Variants in FCHO1 observed in about 807,000 individuals in gnomAD.
FCHO1 encodes the protein F-BAR domain only protein 1.
In FCHO1, 45 loss-of-function variants were observed where a neutral mutation model predicts 114.4. The ratio of observed to expected loss-of-function variants is 0.39; its 90% CI spans 0.31 to 0.50. FCHO1 has a LOEUF of 0.50. Ranked by LOEUF, FCHO1 falls within the 20% of genes least tolerant of loss-of-function variation. The pLI, the probability that FCHO1 is intolerant of heterozygous loss-of-function variation, is 0.77. For synonymous variants in FCHO1, 480 were observed against 488.9 expected (o/e 0.98, Z 0.24); for missense variants, 1,042 against 1,209.6 (o/e 0.86, Z 2.06).
rs1381212342 is a variant in FCHO1 at position 17,765,977 on chromosome 19, C to T, written c.195-692C>T. 2.0e-5 allele frequency among the ~76,000 whole-genome samples: 3 copies of T among 149,404 alleles called. No homozygotes were observed. In the East Asian group the frequency reaches 6.0e-4, roughly 30 times the overall value. On this transcript the variant is annotated intron_variant, in intron 6 of 28. Coordinates refer to ENST00000596536, the MANE Select transcript of FCHO1 (RefSeq NM_015122.3). The stretch of plus-strand genomic sequence containing the variant: ...GATCTTGGCTCACTGCAAGCTCCGC[C>T]TCCTGGGTTCACGCCATTCTCCTGC...
rs548042293 is a variant in FCHO1, at chr19:17,787,857, A to G, written c.2647+11A>G. 2 of 1,608,362 alleles carry G rather than the reference A, an allele frequency of 1.2e-6. No homozygotes were observed. The highest frequency in any genetic ancestry group is 1.3e-5 in the African/African-American group (1 of 74,730). On this transcript the variant is annotated intron_variant, in intron 28 of 28. Coordinates refer to ENST00000596536, the MANE Select transcript of FCHO1 (RefSeq NM_015122.3). ...GGAGGTTTGCCACAGGTACTCCCCA[A>G]CCCTGCTGCTGGGTGACCTCAGGAG...
At chr19:17,778,269 AG>A in intron 19 of FCHO1, 41 bp downstream of exon 19, 1 of 1,513,292 alleles carries the variant, frequency 6.6e-7, no homozygotes, top group Non-Finnish European at 9.1e-7. Context: ...GTGTGGCCGG[AG>A]GGAGGTTGGG....
rs2081972786 is a variant in FCHO1, at chr19:17,751,575, C to T, written c.-185C>T. The T allele has an allele frequency of 6.6e-6, 1 of 152,424 alleles. No individual in the cohort carries two copies. The highest frequency in any genetic ancestry group is 2.1e-4 in the South Asian group (1 of 4,838). The allele number at this position is 152,424 out of a possible 1,614,324, so 9.4% of individuals were successfully genotyped here. Reference sequence around the variant, plus strand: ...GGCCCCATCCCACTCGCTACCCTGTCCGGTGAGTTTGAGCCCTGGCCAGTA... The same window carrying T: ...GGCCCCATCCCACTCGCTACCCTGTTCGGTGAGTTTGAGCCCTGGCCAGTA... On this transcript the variant is annotated splice_region_variant and 5_prime_UTR_variant, in exon 1 of 29. Coordinates refer to ENST00000596536, the MANE Select transcript of FCHO1 (RefSeq NM_015122.3). The surrounding 1 kb of genome is among the most constrained non-coding windows in gnomAD (Gnocchi z 4.4).
At chr19:17,782,851 G>C (rs573468140) in intron 23 of FCHO1, among the ~76,000 whole-genome samples, 166 bp from the exon 24 acceptor site, 1 of 152,208 alleles carries the variant, frequency 6.6e-6, no homozygotes, top group South Asian at 2.1e-4. Flanking sequence ...GTCCAGGCAG[G>C]AATGAAAGAG....
At position 17,765,146 on chromosome 19, in the gene FCHO1, G is replaced by A. The variant is rs565389812; in HGVS notation, c.194+697G>A. 8.6e-4 allele frequency among the ~76,000 whole-genome samples: 131 copies of A among 151,872 alleles called. 5 individuals carry two copies. Among genetic ancestry groups the A allele is most frequent in the Non-Finnish European group, 3.5e-4 (24 of 67,970 alleles). On this transcript the variant is annotated intron_variant, in intron 6 of 28. Transcript: ENST00000596536. Reference sequence around the variant, plus strand: ...CGGGCACTTTCTCTGGGGTGGGCCCGACCTCCCTGAACTGAGACCTTAATA... The same window carrying A: ...CGGGCACTTTCTCTGGGGTGGGCCCAACCTCCCTGAACTGAGACCTTAATA...
intron 7 of FCHO1, 147 bp from the exon 8 acceptor site, chr19:17,770,278 A>G: frequency 1.4e-6 from 1 of 723,480 alleles, no homozygotes; most frequent in Non-Finnish European, 2.1e-6. Context: ...TCCAGCCTGG[A>G]CAACAAGAGC....
chr19:17,777,535 C>CA (rs34293409), intron 18 of FCHO1, among the ~76,000 whole-genome samples: 4 of 74,810 alleles, frequency 5.3e-5, no homozygotes, highest in African/African-American at 2.2e-4. Context: ...AACTCCGTCT[C>CA]AAAAAAAAAA....
In FCHO1 at chr19:17,775,145, C is replaced by T. The variant is rs1385169348; in HGVS notation, c.945+65C>T. On this transcript the variant is annotated intron_variant, in intron 14 of 28. Transcript: ENST00000596536. This position sits in a 1 kb window ranked among gnomAD's most constrained non-coding sequence, Gnocchi z 5.1. ...AAGGAGTTTGATCCCACTCTTGGCT[C>T]CTAGAGTCCCGATCCCTACTGGAAA... 1.0e-5 allele frequency: 16 copies of T among 1,536,828 alleles called. No individual in the cohort carries two copies. In the Admixed American group the frequency reaches 1.1e-4, roughly 11 times the overall value.
chr19:17,787,025 A>G (rs2147545920), intron 27 of FCHO1, among the ~76,000 whole-genome samples: 1 of 150,902 alleles, frequency 6.6e-6, no homozygotes, highest in East Asian at 2.0e-4. Context: ...GGAGTTCAAG[A>G]CCAACCTGGC....
At chr19:17,771,960 G>T (rs1210886560) in intron 9 of FCHO1, among the ~76,000 whole-genome samples, 2 of 151,982 alleles carry the variant, frequency 1.3e-5, no homozygotes, top group African/African-American at 4.8e-5. Context: ...TTACAGGCAC[G>T]TGCCACCACA....
In FCHO1 at chr19:17,788,279, C is replaced by T. The variant is rs762052045; in HGVS notation, c.2648-5C>T. The T allele has an allele frequency of 2.5e-6, 4 of 1,602,832 alleles. No homozygotes were observed. Among genetic ancestry groups the T allele is most frequent in the Non-Finnish European group, 1.7e-6 (2 of 1,171,640 alleles). ...CCCCTCCCCCTCACAGCTGCACCCC[C>T]ACAGGGATGTACCTGGTGAGCTGCT... On this transcript the variant is annotated splice_polypyrimidine_tract_variant and splice_region_variant and intron_variant, in intron 28 of 28. Transcript: ENST00000596536.
intron 3 of FCHO1, 75 bp from the exon 4 acceptor site, chr19:17,755,043 T>C: frequency 1.1e-6 from 1 of 900,692 alleles, no homozygotes; most frequent in South Asian, 1.3e-5. Flanking sequence ...CTCCTTCCTC[T>C]ACAGGGAGGG....
Position 17,754,610 on chromosome 19 carries a change from C to G in FCHO1, c.-119C>G, listed in dbSNP as rs1381351979. Reference sequence around the variant, plus strand: ...CCTGCAGGAGCTGCCTGGAGTGGAGCTGAGAGCTCAGGTCTGGGCTCAGCC... The same window carrying G: ...CCTGCAGGAGCTGCCTGGAGTGGAGGTGAGAGCTCAGGTCTGGGCTCAGCC... On this transcript the variant is annotated 5_prime_UTR_variant, in exon 3 of 29. Coordinates refer to ENST00000596536, the MANE Select transcript of FCHO1 (RefSeq NM_015122.3). 2 of 155,626 alleles carry G rather than the reference C, an allele frequency of 1.3e-5. No individual in the cohort carries two copies. Among genetic ancestry groups the G allele is most frequent in the Admixed American group, 1.2e-4 (2 of 16,042 alleles). 9.6% of individuals were successfully genotyped at this position (155,626 alleles called of 1,614,324 possible).
At chr19:17,755,370 C>T in intron 4 of FCHO1, 179 bp downstream of exon 4, 5 of 597,524 alleles carry the variant, frequency 8.4e-6, no homozygotes, top group Non-Finnish European at 9.0e-6. Context: ...CCAGACCTCA[C>T]AGGCCTTACA....
Position 17,784,631 on chromosome 19 carries a change from G to T in FCHO1, c.2227-94G>T. 8.4e-7 allele frequency: 1 copy of T among 1,190,740 alleles called. No homozygotes were observed. Among genetic ancestry groups the T allele is most frequent in the Non-Finnish European group, 1.2e-6 (1 of 803,244 alleles). 73.8% of individuals were successfully genotyped at this position (1,190,740 alleles called of 1,614,324 possible). The stretch of plus-strand genomic sequence containing the variant: ...TGACTGGACCCCCTTGGGGCGGTGC[G>T]TGCATCGCAGGGTCAAGGTGGTTGA... On this transcript the variant is annotated intron_variant, in intron 25 of 28. Coordinates refer to ENST00000596536, the MANE Select transcript of FCHO1 (RefSeq NM_015122.3). The surrounding 1 kb of genome is among the most constrained non-coding windows in gnomAD (Gnocchi z 5.3).
intron 6 of FCHO1, among the ~76,000 whole-genome samples, chr19:17,765,720 G>A (rs1027859210): frequency 6.6e-6 from 1 of 151,846 alleles, no homozygotes. Context: ...GTCCCCCGAT[G>A]GCATTTGCAG....
At chr19:17,780,208 G>C (rs560331905) in intron 20 of FCHO1, among the ~76,000 whole-genome samples, 23 of 128,656 alleles carry the variant, frequency 1.8e-4, no homozygotes, top group African/African-American at 6.2e-4. Context: ...CTTGTTGCCC[G>C]GGCTGGAGTG....
In FCHO1 at chr19:17,766,889, C is replaced by T. The variant is rs574698472; in HGVS notation, c.336+79C>T. On this transcript the variant is annotated intron_variant, in intron 7 of 28. Coordinates refer to ENST00000596536, the MANE Select transcript of FCHO1 (RefSeq NM_015122.3). ...TCACAGGACCCCAGATCTTCTGGGG[C>T]TTTATAACCTGCGGATGTCCGCCTC... 132 of 1,432,976 alleles carry T rather than the reference C, an allele frequency of 9.2e-5. No individual in the cohort carries two copies. The African/African-American group carries it at 1.1e-3, about 12-fold the overall frequency. 88.8% of individuals were successfully genotyped at this position (1,432,976 alleles called of 1,614,324 possible).
Position 17,778,195 on chromosome 19 carries a change from C to G in FCHO1, c.1318C>G (p.Leu440Val). 6.2e-7 allele frequency: 1 copy of G among 1,613,840 alleles called. No homozygotes were observed. Among genetic ancestry groups the G allele is most frequent in the Non-Finnish European group, 8.5e-7 (1 of 1,179,902 alleles). The change falls in exon 19 of 29, where the codon CTG (leucine) becomes GTG (valine). Residue 440 changes from leucine (L) to valine (V), a missense_variant. Transcript: ENST00000596536. ...GTCCAAGAACCTCTTTGGGCCGCCC[C>G]TGGAGTCAGCCTTTGACCACGAAGA... ...QVSKNLFGPP[L>V]ESAFDHEDFT...
Sources: allele counts gnomAD v4.1 joint callset (sites outside exome capture counted in the v4.1 genomes callset), GRCh38; gene constraint gnomAD v4.1.1; non-coding constraint Gnocchi (gnomAD v3.1); transcripts MANE v1.5; gene names NCBI Gene and HGNC (gene_info 2026-07-23, HGNC 2026-07-21).